LRRC14: variants seen among roughly 807,000 people sequenced by gnomAD.
LRRC14 encodes leucine-rich repeat-containing protein 14.
LRRC14 carries 16 observed loss-of-function variants against 25.3 expected under a neutral mutation model. The ratio of observed to expected loss-of-function variants is 0.63; its 90% CI spans 0.43 to 0.96. LRRC14 has a LOEUF of 0.96. LRRC14 is among the 40% of genes least tolerant of loss of function. The pLI, the probability that LRRC14 is intolerant of heterozygous loss-of-function variation, is 0.00. For synonymous variants in LRRC14, 359 were observed against 295.1 expected (o/e 1.22, Z -2.22); for missense variants, 594 against 660.5 (o/e 0.90, Z 1.10).
chr8:144,520,299 C>T lies in LRRC14; in HGVS notation c.391C>T (p.Pro131Ser). 1 of 1,612,278 alleles carries T rather than the reference C, an allele frequency of 6.2e-7. No individual in the cohort carries two copies. Among genetic ancestry groups the T allele is most frequent in the South Asian group, 1.1e-5 (1 of 91,086 alleles). Residue 131 changes from proline (P) to serine (S), a missense_variant, in exon 3 of 4, where the codon CCT becomes TCT. Pro to Ser is a moderately conservative substitution (Grantham distance 74, BLOSUM62 -1). Coordinates refer to ENST00000292524, the MANE Select transcript of LRRC14 (RefSeq NM_014665.4). Reference protein sequence around the residue: ...GLLDDGVEQDPGTMSMWDCTA... With the variant: ...GLLDDGVEQDSGTMSMWDCTA... ...CTTGGATGATGGTGTGGAACAGGAT[C>T]CTGGCACCATGAGCATGTGGGACTG...
At chr8:144,519,395 C>T (rs573299322) in intron 1 of LRRC14, 21 of 438,684 alleles carry the variant, frequency 4.8e-5, no homozygotes, top group African/African-American at 3.5e-4. Flanking sequence ...GGGGGCCCTG[C>T]AAGGCAACAG....
At position 144,523,997 on chromosome 8, in the gene LRRC14, A is replaced by C. The variant is rs1400620305; in HGVS notation, c.*2519A>C. On this transcript the variant is annotated 3_prime_UTR_variant, in exon 4 of 4. Transcript: ENST00000292524. ...CCAGTGTGGCTGCAGGCGGTGGTGC[A>C]GCCTTCCAGACTGCTGCCCAGTTGC... is the stretch of plus-strand genomic sequence containing the variant. 3 of 1,279,188 alleles carry C rather than the reference A, an allele frequency of 2.3e-6. No homozygotes were observed. The East Asian group carries it at 7.0e-5, about 30-fold the overall frequency. The allele number at this position is 1,279,188 out of a possible 1,614,324, so 79.2% of individuals were successfully genotyped here. A position where few individuals can be genotyped will look rare whatever the true frequency, so the allele number is the denominator to read the frequency against.
At position 144,522,940 on chromosome 8, in the gene LRRC14, C is replaced by T. The variant is rs1816181088; in HGVS notation, c.*1462C>T. ...GCTGCCGGGACGCGTTGACCAGGAGCCGGAAGGGCACGCGGGCAGCGCCGC... is the reference window on the plus strand; with the variant it reads ...GCTGCCGGGACGCGTTGACCAGGAGTCGGAAGGGCACGCGGGCAGCGCCGC... On this transcript the variant is annotated 3_prime_UTR_variant, in exon 4 of 4. Transcript: ENST00000292524. 2 of 1,556,536 alleles carry T rather than the reference C, an allele frequency of 1.3e-6. No individual in the cohort carries two copies. Among genetic ancestry groups the T allele is most frequent in the Non-Finnish European group, 1.7e-6 (2 of 1,160,606 alleles).
chr8:144,524,057 C>T lies in LRRC14; in HGVS notation c.*2579C>T, dbSNP rs4925830. 7 of 1,571,792 alleles carry T rather than the reference C, an allele frequency of 4.5e-6. No homozygotes were observed. The South Asian group carries it at 5.6e-5, about 13-fold the overall frequency. ...GAGCCCCTCCACACATGAGCCTGCT[C>T]CCTACTGCCAACACCGTGGCCCAGA... On this transcript the variant is annotated 3_prime_UTR_variant, in exon 4 of 4. Coordinates refer to ENST00000292524, the MANE Select transcript of LRRC14 (RefSeq NM_014665.4).
At position 144,517,995 on chromosome 8, in the gene LRRC14, G is replaced by T; in HGVS notation, c.-158G>T. 3.4e-6 allele frequency: 1 copy of T among 296,476 alleles called. No homozygotes were observed. Among genetic ancestry groups the T allele is most frequent in the South Asian group, 1.4e-4 (1 of 7,268 alleles). 18.4% of individuals were successfully genotyped at this position (296,476 alleles called of 1,614,324 possible). ...GCCGCGGCGCCGGGCGGGGAGCGGCGGACGGTCTAGGCGGGGCTGGAGGCG... is the reference window on the plus strand; with the variant it reads ...GCCGCGGCGCCGGGCGGGGAGCGGCTGACGGTCTAGGCGGGGCTGGAGGCG... On this transcript the variant is annotated 5_prime_UTR_variant, in exon 1 of 4. Transcript: ENST00000292524.
chr8:144,523,602 TC>T lies in LRRC14; in HGVS notation c.*2128del. On this transcript the variant is annotated 3_prime_UTR_variant, in exon 4 of 4. Transcript: ENST00000292524. Reference sequence around the variant, plus strand: ...GGCAGGCCCTTCACCCTCGCCCCCCTCCCCTTTAGCTCTGTGATGCCTGCCT... The same window carrying T: ...GGCAGGCCCTTCACCCTCGCCCCCCTCCCTTTAGCTCTGTGATGCCTGCCT... 1.2e-6 allele frequency: 1 copy of T among 813,392 alleles called. No individual in the cohort carries two copies. Among genetic ancestry groups the T allele is most frequent in the Non-Finnish European group, 1.7e-6 (1 of 577,062 alleles). 50.4% of individuals were successfully genotyped at this position (813,392 alleles called of 1,614,324 possible).
Position 144,524,674 on chromosome 8 carries a change from C to A in LRRC14, c.*3196C>A. ...CGCAGAGCGGCGAGTGGCGCCAGGG[C>A]TCCCGGCTCTAGGCGGGCGATGTTG... On this transcript the variant is annotated 3_prime_UTR_variant, in exon 4 of 4. Coordinates refer to ENST00000292524, the MANE Select transcript of LRRC14 (RefSeq NM_014665.4). 2 of 1,481,330 alleles carry A rather than the reference C, an allele frequency of 1.4e-6. No individual in the cohort carries two copies. Among genetic ancestry groups the A allele is most frequent in the South Asian group, 1.3e-5 (1 of 75,822 alleles). The allele number at this position is 1,481,330 out of a possible 1,614,324, so 91.8% of individuals were successfully genotyped here.
Position 144,522,621 on chromosome 8 carries a change from G to T in LRRC14, c.*1143G>T. On this transcript the variant is annotated 3_prime_UTR_variant, in exon 4 of 4. Coordinates refer to ENST00000292524, the MANE Select transcript of LRRC14 (RefSeq NM_014665.4). ...TTGATGACGAACATCTCGTGGCCGC[G>T]CTCGTCGCGGAGCTCCTCTAGCTGT... 6.4e-7 allele frequency: 1 copy of T among 1,573,622 alleles called. No homozygotes were observed. The highest frequency in any genetic ancestry group is 8.6e-7 in the Non-Finnish European group (1 of 1,162,398).
At chr8:144,520,194 G>A in intron 2 of LRRC14, 44 bp from the exon 3 acceptor site, 1 of 1,589,346 alleles carries the variant, frequency 6.3e-7, no homozygotes, top group Non-Finnish European at 8.5e-7. Context: ...AGGGGGTATG[G>A]GCGCTGCCCC....
At chr8:144,518,983 G>C (rs1470347109) in intron 1 of LRRC14, among the ~76,000 whole-genome samples, 1 of 152,238 alleles carries the variant, frequency 6.6e-6, no homozygotes, top group East Asian at 1.9e-4. Flanking sequence ...AGAGGTTTAG[G>C]CCAGTGGTAA....
rs750773004 is a variant in LRRC14, at chr8:144,520,804, G to C, written c.896G>C (p.Arg299Thr). 14 of 1,597,422 alleles carry C rather than the reference G, an allele frequency of 8.8e-6. No individual in the cohort carries two copies. The highest frequency in any genetic ancestry group is 1.2e-5 in the Non-Finnish European group (14 of 1,179,114). The part of the protein sequence containing the change: ...LSMGSSLLSG[R>T]LDQLLSTLQS... Reference sequence around the variant, plus strand: ...ATGGGCTCCTCTCTCCTTTCAGGGAGGCTGGACCAGCTGCTCAGGTGAGCG... The same window carrying C: ...ATGGGCTCCTCTCTCCTTTCAGGGACGCTGGACCAGCTGCTCAGGTGAGCG... The change falls in exon 3 of 4, where the codon AGG becomes ACG. Residue 299 changes from arginine to threonine, a missense_variant. By Grantham distance (71) the Arg-to-Thr change is moderately conservative. Transcript: ENST00000292524.
rs1025412818 is a variant in LRRC14 at position 144,522,014 on chromosome 8, T to C, written c.*536T>C. 1.1e-5 allele frequency: 2 copies of C among 174,394 alleles called. No homozygotes were observed. Among genetic ancestry groups the C allele is most frequent in the Admixed American group, 6.1e-5 (1 of 16,388 alleles). The allele number at this position is 174,394 out of a possible 1,614,324, so 10.8% of individuals were successfully genotyped here. ...GGGGTCATCAAGGTACACATGTGCC[T>C]GGAAGTTGAATTTGTGGCTGTTTTT... On this transcript the variant is annotated 3_prime_UTR_variant, in exon 4 of 4. Transcript: ENST00000292524.
In LRRC14 at chr8:144,524,385, T is replaced by C; in HGVS notation, c.*2907T>C. 6.3e-7 allele frequency: 1 copy of C among 1,594,082 alleles called. No homozygotes were observed. Among genetic ancestry groups the C allele is most frequent in the Non-Finnish European group, 8.5e-7 (1 of 1,177,022 alleles). On this transcript the variant is annotated 3_prime_UTR_variant, in exon 4 of 4. Coordinates refer to ENST00000292524, the MANE Select transcript of LRRC14 (RefSeq NM_014665.4). ...TTGCCTTTTCTAACTATTCCAGCCC[T>C]ACAGGGCGAGGGGCCATAATGGAGT...
In LRRC14 at chr8:144,520,904, C is replaced by T. The variant is rs201507099; in HGVS notation, c.915-7C>T. Reference sequence around the variant, plus strand: ...CTGCCTGTCTGTGACCCCTGTGTCCCCTGTAGCACCCTGCAGAGCCCCCTG... The same window carrying T: ...CTGCCTGTCTGTGACCCCTGTGTCCTCTGTAGCACCCTGCAGAGCCCCCTG... On this transcript the variant is annotated splice_polypyrimidine_tract_variant and splice_region_variant and intron_variant, in intron 3 of 3. Coordinates refer to ENST00000292524, the MANE Select transcript of LRRC14 (RefSeq NM_014665.4). 5.2e-5 allele frequency: 83 copies of T among 1,605,314 alleles called. 1 individual carries two copies. The East Asian group carries it at 1.2e-3, about 23-fold the overall frequency.
Position 144,522,509 on chromosome 8 carries a change from A to ACGCGGAGT in LRRC14, c.*1033_*1040dup. The stretch of plus-strand genomic sequence containing the variant: ...GATCTCGTAGGCGACCGGCGGGGGC[A>ACGCGGAGT]CGCGGAGTCCCGGCCCCGCCCCCTG... On this transcript the variant is annotated 3_prime_UTR_variant, in exon 4 of 4. Coordinates refer to ENST00000292524, the MANE Select transcript of LRRC14 (RefSeq NM_014665.4). The ACGCGGAGT allele has an allele frequency of 6.7e-7, 1 of 1,497,610 alleles. No homozygotes were observed. The highest frequency in any genetic ancestry group is 1.3e-5 in the South Asian group (1 of 78,080). The allele number at this position is 1,497,610 out of a possible 1,614,324, so 92.8% of individuals were successfully genotyped here.
chr8:144,519,441 T>C (rs991008813), intron 1 of LRRC14, 174 bp from the exon 2 acceptor site: 2 of 530,170 alleles, frequency 3.8e-6, no homozygotes, highest in African/African-American at 1.9e-5. Flanking sequence ...AAGCGAGTTG[T>C]TGACGATGCC....
Position 144,520,789 on chromosome 8 carries a change from C to T in LRRC14, c.881C>T (p.Ser294Phe). 6.3e-7 allele frequency: 1 copy of T among 1,598,286 alleles called. No homozygotes were observed. Among genetic ancestry groups the T allele is most frequent in the Non-Finnish European group, 8.5e-7 (1 of 1,179,664 alleles). ...CTGCGTGAGCTCAGCATGGGCTCCT[C>T]TCTCCTTTCAGGGAGGCTGGACCAG... ...TCLRELSMGS[S>F]LLSGRLDQLL... Residue 294 changes from serine (S) to phenylalanine (F), a missense_variant, in exon 3 of 4, where the codon TCT (serine) becomes TTT (phenylalanine). By Grantham distance (155) the Ser-to-Phe change is radical. Coordinates refer to ENST00000292524, the MANE Select transcript of LRRC14 (RefSeq NM_014665.4).
In LRRC14 at chr8:144,522,411, C is replaced by G. The variant is rs1816132623; in HGVS notation, c.*933C>G. ...ACTGCGCGGCTTCCACCTTTACTGA[C>G]GGAGCATGCGCGAGGCCGCACCGGC... On this transcript the variant is annotated 3_prime_UTR_variant, in exon 4 of 4. Transcript: ENST00000292524. 7.3e-7 allele frequency: 1 copy of G among 1,370,126 alleles called. No individual in the cohort carries two copies. The highest frequency in any genetic ancestry group is 1.5e-5 in the African/African-American group (1 of 65,296). 84.9% of individuals were successfully genotyped at this position (1,370,126 alleles called of 1,614,324 possible).
rs1815844448 is a variant in LRRC14, at chr8:144,519,686, G to A, written c.-40G>A. On this transcript the variant is annotated 5_prime_UTR_variant, in exon 2 of 4. Transcript: ENST00000292524. The stretch of plus-strand genomic sequence containing the variant: ...CCTAGGGTCTCTCCTCCCTGCTGAA[G>A]TCCCTCTCCTGCAGGTGGCCGTCTG... 1.3e-6 allele frequency: 2 copies of A among 1,547,160 alleles called. No individual in the cohort carries two copies. The highest frequency in any genetic ancestry group is 1.8e-6 in the Non-Finnish European group (2 of 1,141,662).
Sources: allele counts gnomAD v4.1 joint callset (sites outside exome capture counted in the v4.1 genomes callset), GRCh38; gene constraint gnomAD v4.1.1; transcripts MANE v1.5; gene names NCBI Gene and HGNC (gene_info 2026-07-23, HGNC 2026-07-21).